The following ARHGEF10 variants were observed in gnomAD, a reference collection of about 807,000 sequenced individuals.
The protein encoded by ARHGEF10 is Rho guanine nucleotide exchange factor (GEF) 10.
ARHGEF10 carries 140 observed loss-of-function variants against 147.4 expected under a neutral mutation model. That is an observed-to-expected ratio of 0.95 (90% CI 0.83 to 1.09). The LOEUF is 1.09. ARHGEF10 is among the 50% of genes least tolerant of loss of function. The pLI, the probability that ARHGEF10 is intolerant of heterozygous loss-of-function variation, is 0.00. For missense variants in ARHGEF10, 2,222 were observed against 1,752.7 expected (o/e 1.27, Z -4.78); for synonymous variants, 902 against 695.8 (o/e 1.30, Z -4.67).
intron 4 of ARHGEF10, among the ~76,000 whole-genome samples, chr8:1,861,468 G>A (rs1806126673): frequency 6.6e-6 from 1 of 152,142 alleles, no homozygotes; most frequent in African/African-American, 2.4e-5. Context: ...TTTTTGCCCA[G>A]ATCTGTTTCT....
chr8:1,857,134 T>G (rs889780936), intron 2 of ARHGEF10, among the ~76,000 whole-genome samples: 6 of 152,244 alleles, frequency 3.9e-5, no homozygotes, highest in Admixed American at 3.9e-4. Flanking sequence ...TTAATAATTA[T>G]GGAGGTTTGT....
chr8:1,841,462 G>T (rs560343965), intron 1 of ARHGEF10, among the ~76,000 whole-genome samples: 15 of 152,284 alleles, frequency 9.9e-5, no homozygotes, highest in African/African-American at 3.6e-4. Flanking sequence ...TTGGTTTATT[G>T]ATTAGTGATG....
chr8:1,865,432 C>T (rs1389018027), intron 5 of ARHGEF10, among the ~76,000 whole-genome samples: 2 of 151,590 alleles, frequency 1.3e-5, no homozygotes, highest in East Asian at 3.9e-4. Flanking sequence ...CCCCCAGCAC[C>T]CAGGGGGCCA....
chr8:1,837,322 G>A (rs1803646187), intron 1 of ARHGEF10, among the ~76,000 whole-genome samples: 1 of 152,252 alleles, frequency 6.6e-6, no homozygotes, highest in Admixed American at 6.5e-5. Context: ...GATGCAGGCA[G>A]ACGCCATGGT....
At chr8:1,839,919 CGGTGTGGGGACTGTCT>C (rs1803876249) in intron 1 of ARHGEF10, among the ~76,000 whole-genome samples, 14 of 71,200 alleles carry the variant, frequency 2.0e-4, no homozygotes, top group Admixed American at 1.9e-3. Context: ...GGGGACTGTC[CGGTGTGGGGACTGTCT>C]GGTGTGGGGA....
At position 1,923,873 on chromosome 8, in the gene ARHGEF10, A is replaced by C. The variant is rs199621523; in HGVS notation, c.2487A>C (p.Leu829=). The stretch of plus-strand genomic sequence containing the variant: ...GCTTACAGATGGCCAAGCTCGCCCT[A>C]GGTAAGGCCTGGCTGGCTGAGGCTG... ...VNSLQMAKLA[L]EEENHMGWFC... Residue 829 remains leucine (L), a splice_region_variant and synonymous_variant, in exon 21 of 29, where the codon CTA becomes CTC. Transcript: ENST00000349830. 9 of 1,613,976 alleles carry C rather than the reference A, an allele frequency of 5.6e-6. No individual in the cohort carries two copies. The highest frequency in any genetic ancestry group is 6.8e-6 in the Non-Finnish European group (8 of 1,179,898).
At position 1,876,430 on chromosome 8, in the gene ARHGEF10, G is replaced by C. The variant is rs4875944; in HGVS notation, c.680-141G>C. ...ACGGTGCCTTCCATGGAGCAAGCCC[G>C]GGGCTCCGCAGGGTCCTCAGCATGA... On this transcript the variant is annotated intron_variant, in intron 7 of 28. Coordinates refer to ENST00000349830, the MANE Select transcript of ARHGEF10 (RefSeq NM_014629.4). The C allele has an allele frequency of 0.39, 351,538 of 897,096 alleles. 73,568 individuals carry two copies. Among genetic ancestry groups the C allele is most frequent in the East Asian group, 0.63 (24,490 of 39,180 alleles). 55.6% of individuals were successfully genotyped at this position (897,096 alleles called of 1,614,324 possible). A position where few individuals can be genotyped will look rare whatever the true frequency, so the allele number is the denominator to read the frequency against.
intron 26 of ARHGEF10, among the ~76,000 whole-genome samples, chr8:1,934,372 A>AAAAAAAG (rs1554511986): frequency 6.7e-6 from 1 of 149,000 alleles, no homozygotes. Context: ...AAAAAAAAAA[A>AAAAAAAG]GGAAAGGGAA....
intron 7 of ARHGEF10, among the ~76,000 whole-genome samples, chr8:1,874,250 C>A (rs1807446291): frequency 6.6e-6 from 1 of 152,130 alleles, no homozygotes; most frequent in Admixed American, 6.5e-5. Context: ...ACATTGAAAA[C>A]CACCCGTTTT....
rs11288174 is a variant in ARHGEF10, at chr8:1,908,227, A to ATTTTTTTTTTTTT, written c.1968-1059_1968-1047dup. Among the ~76,000 whole-genome samples the ATTTTTTTTTTTTT allele has an allele frequency of 1.3e-4, 14 of 110,052 alleles. 1 individual carries two copies. The highest frequency in any genetic ancestry group is 4.1e-4 in the African/African-American group (11 of 26,650). 72.2% of individuals were successfully genotyped at this position (110,052 alleles called of 152,430 possible). On this transcript the variant is annotated intron_variant, in intron 17 of 28. Transcript: ENST00000349830. ...TTTGGTTATTTCTACCCACACTTTG[A>ATTTTTTTTTTTTT]TTTTTTTTTTTTTTTTTTTTTGAGA...
At chr8:1,883,688 C>A (rs1310783126) in intron 10 of ARHGEF10, among the ~76,000 whole-genome samples, 1 of 152,116 alleles carries the variant, frequency 6.6e-6, no homozygotes, top group Non-Finnish European at 1.5e-5. Context: ...CAGGTGCATT[C>A]TAATAAAATG....
intron 1 of ARHGEF10, among the ~76,000 whole-genome samples, chr8:1,839,021 G>C (rs1209561740): frequency 6.6e-6 from 1 of 152,180 alleles, no homozygotes; most frequent in Non-Finnish European, 1.5e-5. Context: ...TCCGATGTGG[G>C]GACTGTCCAG....
Position 1,876,148 on chromosome 8 carries a change from C to T in ARHGEF10, c.680-423C>T, listed in dbSNP as rs978084053. 49 of 224,936 alleles carry T rather than the reference C, an allele frequency of 2.2e-4. 1 individual carries two copies. The Admixed American group carries it at 2.5e-3, about 12-fold the overall frequency. 13.9% of individuals were successfully genotyped at this position (224,936 alleles called of 1,614,324 possible). On this transcript the variant is annotated intron_variant, in intron 7 of 28. Transcript: ENST00000349830. ...TCCACCTACCCATATTTCTATAATCCACCGTCCATCGACATGCCTATCATC... is the reference window on the plus strand; with the variant it reads ...TCCACCTACCCATATTTCTATAATCTACCGTCCATCGACATGCCTATCATC...
In ARHGEF10 at chr8:1,863,827, G is replaced by A. The variant is rs558327303; in HGVS notation, c.482-546G>A. 4.6e-5 allele frequency among the ~76,000 whole-genome samples: 7 copies of A among 152,114 alleles called. No homozygotes were observed. In the East Asian group the frequency reaches 9.7e-4, roughly 21 times the overall value. The stretch of plus-strand genomic sequence containing the variant: ...GACAGGCAGGGAGGAATCGTCAGGC[G>A]GGTCGGACTGCGCGTGTATTTGCGT... On this transcript the variant is annotated intron_variant, in intron 4 of 28. Coordinates refer to ENST00000349830, the MANE Select transcript of ARHGEF10 (RefSeq NM_014629.4).
chr8:1,837,799 T>G (rs1270413287), intron 1 of ARHGEF10, among the ~76,000 whole-genome samples: 1 of 152,140 alleles, frequency 6.6e-6, no homozygotes, highest in Non-Finnish European at 1.5e-5. Context: ...CTGCGTCGTA[T>G]TACTAATGTT....
At chr8:1,908,078 C>T (rs1163995960) in intron 17 of ARHGEF10, among the ~76,000 whole-genome samples, 5 of 152,108 alleles carry the variant, frequency 3.3e-5, no homozygotes, top group African/African-American at 1.2e-4. Flanking sequence ...CCTTTCCCTT[C>T]CTGTATGGAC....
At chr8:1,867,468 T>C (rs1806722376) in intron 6 of ARHGEF10, among the ~76,000 whole-genome samples, 1 of 152,192 alleles carries the variant, frequency 6.6e-6, no homozygotes, top group Non-Finnish European at 1.5e-5. Context: ...GAGCAAAGAA[T>C]TCCAAACTCT....
At chr8:1,835,351 C>T (rs376225808) in intron 1 of ARHGEF10, among the ~76,000 whole-genome samples, 3 of 152,190 alleles carry the variant, frequency 2.0e-5, no homozygotes, top group African/African-American at 7.2e-5. Context: ...CGGTGCCGTC[C>T]CTGTGCAGCT....
intron 10 of ARHGEF10, 72 bp downstream of exon 10, chr8:1,882,821 C>A (rs1384120536): frequency 2.7e-6 from 1 of 372,450 alleles, no homozygotes; most frequent in East Asian, 8.2e-5. Context: ...GTGGGGAGGA[C>A]TCGGGGTGGG....
Sources: allele counts gnomAD v4.1 joint callset (sites outside exome capture counted in the v4.1 genomes callset), GRCh38; gene constraint gnomAD v4.1.1; transcripts MANE v1.5; gene names NCBI Gene and HGNC (gene_info 2026-07-23, HGNC 2026-07-21).